Variants in FBXL7 observed in about 807,000 individuals in gnomAD.
FBXL7 encodes the protein F-box/LRR-repeat protein 7.
FBXL7 carries 12 observed loss-of-function variants against 38.3 expected under a neutral mutation model. The observed-to-expected ratio is 0.31, with a 90% CI of 0.20 to 0.51. The LOEUF (loss-of-function observed/expected upper bound fraction) is 0.51, where lower values mean the gene tolerates loss of function less well. Ranked by LOEUF, FBXL7 falls within the 20% of genes least tolerant of loss-of-function variation. FBXL7 has a pLI of 0.98. For synonymous variants in FBXL7, 297 were observed against 300.9 expected, an observed-to-expected ratio of 0.99 and a Z score of 0.13; for missense variants, 567 against 676.4, an observed-to-expected ratio of 0.84 and a Z score of 1.79.
Position 15,801,066 on chromosome 5 carries a change from A to G in FBXL7, c.128-126824A>G, listed in dbSNP as rs558197200. Reference sequence around the variant, plus strand: ...AGGCAGAATTTACTTTTCTCTGGGAAGCCTTAGCTTTTGCTCTTAGGATGT... The same window carrying G: ...AGGCAGAATTTACTTTTCTCTGGGAGGCCTTAGCTTTTGCTCTTAGGATGT... On this transcript the variant is annotated intron_variant, in intron 2 of 3. Coordinates refer to ENST00000504595, the MANE Select transcript of FBXL7 (RefSeq NM_012304.5). Among the ~76,000 whole-genome samples, 5 of 152,316 alleles carry G rather than the reference A, an allele frequency of 3.3e-5. No homozygotes were observed. The East Asian group carries it at 9.7e-4, about 29-fold the overall frequency.
intron 1 of FBXL7, among the ~76,000 whole-genome samples, chr5:15,549,087 A>G (rs768989186): frequency 3.3e-5 from 5 of 152,252 alleles, no homozygotes; most frequent in Non-Finnish European, 7.3e-5. Context: ...TTTAGGAACC[A>G]AAAAGGGGAG....
intron 2 of FBXL7, among the ~76,000 whole-genome samples, chr5:15,881,306 T>G (rs1390846442): frequency 6.6e-6 from 1 of 152,204 alleles, no homozygotes; most frequent in African/African-American, 2.4e-5. Context: ...GTTACTTCAC[T>G]TAGAATAATA....
intron 2 of FBXL7, among the ~76,000 whole-genome samples, chr5:15,653,397 T>C (rs991989579): frequency 1.1e-4 from 16 of 152,162 alleles, no homozygotes; most frequent in African/African-American, 3.1e-4. Context: ...GTTTCTACTA[T>C]TACCCACAGG....
intron 1 of FBXL7, among the ~76,000 whole-genome samples, chr5:15,587,508 A>G (rs1739339484): frequency 2.0e-5 from 3 of 152,158 alleles, no homozygotes; most frequent in Non-Finnish European, 4.4e-5. Context: ...TGTGTCTCTG[A>G]AGGTGGGAAT....
chr5:15,812,342 A>G (rs1247515599), intron 2 of FBXL7, among the ~76,000 whole-genome samples: 1 of 152,056 alleles, frequency 6.6e-6, no homozygotes. Context: ...CTGTGGGGAA[A>G]TGGGGGACAA....
At chr5:15,862,608 G>T (rs1739524599) in intron 2 of FBXL7, among the ~76,000 whole-genome samples, 1 of 152,216 alleles carries the variant, frequency 6.6e-6, no homozygotes. Context: ...CGAGCAGGGA[G>T]CTGGTGGTGC....
At chr5:15,935,183 T>A (rs760506786) in intron 3 of FBXL7, 17 of 534,588 alleles carry the variant, frequency 3.2e-5, no homozygotes, top group South Asian at 2.2e-4. Context: ...AGCCCCGGGG[T>A]GCAGATCCTT....
At chr5:15,638,207 A>T (rs929300491) in intron 2 of FBXL7, among the ~76,000 whole-genome samples, 9 of 152,212 alleles carry the variant, frequency 5.9e-5, no homozygotes, top group Middle Eastern at 3.2e-3. Flanking sequence ...CCTGGGAACG[A>T]GGGGGATCTT....
intron 2 of FBXL7, among the ~76,000 whole-genome samples, chr5:15,744,065 G>T (rs556492431): frequency 6.6e-6 from 1 of 152,336 alleles, no homozygotes; most frequent in African/African-American, 2.4e-5. Context: ...CCTGTGAAGG[G>T]AGGGGCTGCT....
At chr5:15,521,924 C>G (rs1737105801) in intron 1 of FBXL7, among the ~76,000 whole-genome samples, 1 of 152,192 alleles carries the variant, frequency 6.6e-6, no homozygotes, top group South Asian at 2.1e-4. Context: ...GCAGATTCAT[C>G]TGAAGCTTTT....
intron 2 of FBXL7, among the ~76,000 whole-genome samples, chr5:15,758,098 A>G (rs1211341861): frequency 6.6e-6 from 1 of 152,080 alleles, no homozygotes; most frequent in Non-Finnish European, 1.5e-5. Flanking sequence ...GATGACCACC[A>G]AGTCCAGGGT....
rs144726416 is a variant in FBXL7, at chr5:15,517,842, T to C, written c.37+17129T>C. Among the ~76,000 whole-genome samples the C allele has an allele frequency of 4.9e-3, 740 of 152,316 alleles. 2 individuals carry two copies. Among genetic ancestry groups the C allele is most frequent in the Non-Finnish European group, 8.1e-3 (550 of 68,024 alleles). On this transcript the variant is annotated intron_variant, in intron 1 of 3. Coordinates refer to ENST00000504595, the MANE Select transcript of FBXL7 (RefSeq NM_012304.5). Reference sequence around the variant, plus strand: ...AATTTGGGAGAAAAAAATTGACATCTCAGCTTCATCCTGTTTTCCTCTTTG... The same window carrying C: ...AATTTGGGAGAAAAAAATTGACATCCCAGCTTCATCCTGTTTTCCTCTTTG...
chr5:15,751,063 G>A (rs1233937086), intron 2 of FBXL7, among the ~76,000 whole-genome samples: 1 of 151,932 alleles, frequency 6.6e-6, no homozygotes, highest in Non-Finnish European at 1.5e-5. Context: ...AAGACATAAT[G>A]CATCAAACAC....
intron 2 of FBXL7, among the ~76,000 whole-genome samples, chr5:15,629,730 G>A (rs1041491220): frequency 3.3e-5 from 5 of 151,972 alleles, no homozygotes; most frequent in African/African-American, 4.8e-5. Context: ...TATGCCTGGC[G>A]GCTACTGGAG....
Position 15,616,074 on chromosome 5 carries a change from T to C in FBXL7, c.127+2T>C. On this transcript the variant is annotated splice_donor_variant, in intron 2 of 3. Coordinates refer to ENST00000504595, the MANE Select transcript of FBXL7 (RefSeq NM_012304.5). LOFTEE classifies it high-confidence loss of function. ...AGAAGAATGTGGCTACCAGCGAAGG[T>C]AGGCAGCTGGTCTTCATTATCTCTC... 1.2e-6 allele frequency: 2 copies of C among 1,605,934 alleles called. No individual in the cohort carries two copies. The highest frequency in any genetic ancestry group is 1.7e-6 in the Non-Finnish European group (2 of 1,173,332).
intron 2 of FBXL7, among the ~76,000 whole-genome samples, chr5:15,635,035 T>A (rs1035250662): frequency 7.9e-5 from 12 of 152,176 alleles, no homozygotes; most frequent in African/African-American, 2.9e-4. Context: ...GGACAATTTT[T>A]TTTTTTGGAG....
At chr5:15,569,100 A>G (rs1192337574) in intron 1 of FBXL7, among the ~76,000 whole-genome samples, 3 of 152,190 alleles carry the variant, frequency 2.0e-5, no homozygotes, top group East Asian at 3.8e-4. Context: ...TATAAACTTT[A>G]AAGTAGTTTT....
At chr5:15,736,602 T>C (rs1367544074) in intron 2 of FBXL7, among the ~76,000 whole-genome samples, 1 of 152,254 alleles carries the variant, frequency 6.6e-6, no homozygotes, top group African/African-American at 2.4e-5. Context: ...GGCTTGTTGT[T>C]GCTACTTCAT....
intron 1 of FBXL7, 57 bp downstream of exon 1, chr5:15,500,770 C>A: frequency 6.3e-7 from 1 of 1,582,740 alleles, no homozygotes; most frequent in South Asian, 1.1e-5. Flanking sequence ...CCCTTTCCCT[C>A]GCCCTCCCGA....
Sources: gnomAD v4.1 joint callset for allele counts (sites outside exome capture counted in the v4.1 genomes callset) on GRCh38, gnomAD v4.1.1 for gene constraint, MANE v1.5 for transcripts, NCBI Gene and HGNC (gene_info 2026-07-23, HGNC 2026-07-21) for gene names.